Variants in KCNH3 observed in about 807,000 individuals in gnomAD.
KCNH3 encodes voltage-gated inwardly rectifying potassium channel KCNH3.
In KCNH3, 36 loss-of-function variants were observed where a neutral mutation model predicts 95.6. The observed-to-expected ratio is 0.38, with a 90% CI of 0.29 to 0.50. KCNH3 has a LOEUF of 0.50. KCNH3 is among the 20% of genes least tolerant of loss of function. The pLI, the probability that KCNH3 is intolerant of heterozygous loss-of-function variation, is 0.95. For synonymous variants in KCNH3, 620 were observed against 646.3 expected (o/e 0.96, Z 0.62); for missense variants, 1,030 against 1,484.1 (o/e 0.69, Z 5.03).
At chr12:49,544,145 T>TGCCAAA in intron 6 of KCNH3, 30 bp from the exon 7 acceptor site, 3 of 818,346 alleles carry the variant, frequency 3.7e-6, no homozygotes, top group South Asian at 1.3e-5. Context: ...CTGACCTCCC[T>TGCCAAA]CCCTCCCTCC....
Position 49,557,800 on chromosome 12 carries a change from G to C in KCNH3, c.3099G>C (p.Val1033=), listed in dbSNP as rs372734906. The change falls in exon 15 of 15, where the codon GTG becomes GTC. Residue 1033 remains valine (V), a synonymous_variant. Transcript: ENST00000257981. ...EGARTGPAEP[V]SQAEATSTGE... ...CTAGGACTGGGCCCGCAGAGCCTGT[G>C]AGCCAGGCTGAGGCTACCAGCACTG... The C allele has an allele frequency of 6.2e-7, 1 of 1,605,644 alleles. No homozygotes were observed. The highest frequency in any genetic ancestry group is 1.7e-5 in the Admixed American group (1 of 59,528).
At chr12:49,546,765 G>A (rs1938076547) in intron 7 of KCNH3, among the ~76,000 whole-genome samples, 2 of 152,176 alleles carry the variant, frequency 1.3e-5, no homozygotes, top group Admixed American at 1.3e-4. Flanking sequence ...AAAGATCAGA[G>A]GCCTCCCTGC....
At chr12:49,545,767 A>C (rs1938041809) in intron 7 of KCNH3, among the ~76,000 whole-genome samples, 1 of 152,048 alleles carries the variant, frequency 6.6e-6, no homozygotes, top group Non-Finnish European at 1.5e-5. Flanking sequence ...CGGTCTGATC[A>C]GTTTCCTGGG....
At chr12:49,548,095 C>CATGT (rs1491578844) in intron 7 of KCNH3, among the ~76,000 whole-genome samples, 15 of 146,722 alleles carry the variant, frequency 1.0e-4, no homozygotes, top group African/African-American at 3.7e-4. Context: ...CCTGTGACTA[C>CATGT]GTGTGTGTGT....
At chr12:49,551,570 G>C (rs145341510) in intron 10 of KCNH3, among the ~76,000 whole-genome samples, 1 of 108,796 alleles carries the variant, frequency 9.2e-6, no homozygotes, top group African/African-American at 3.9e-5. Flanking sequence ...GCGAGACTCT[G>C]TCTCAAAAAA....
chr12:49,541,587 G>A (rs1937872560), intron 2 of KCNH3, 43 bp from the exon 3 acceptor site: 2 of 1,609,048 alleles, frequency 1.2e-6, no homozygotes, highest in South Asian at 1.1e-5. Flanking sequence ...ACCTCAGGCA[G>A]TGCTGAGAAT....
Position 49,539,471 on chromosome 12 carries a change from G to A in KCNH3, c.55G>A (p.Ala19Thr), listed in dbSNP as rs1296068609. The A allele has an allele frequency of 1.3e-6, 2 of 1,587,226 alleles. No individual in the cohort carries two copies. The highest frequency in any genetic ancestry group is 8.6e-7 in the Non-Finnish European group (1 of 1,168,940). ...APQNTFLDTIATRFDGTHSNF... is the reference protein window; with the variant it reads ...APQNTFLDTITTRFDGTHSNF... Reference sequence around the variant, plus strand: ...GCAGAACACCTTCCTGGACACCATCGCTACGCGCTTCGACGGCACGCGTGA... The same window carrying A: ...GCAGAACACCTTCCTGGACACCATCACTACGCGCTTCGACGGCACGCGTGA... The change falls in exon 1 of 15, where the codon GCT becomes ACT. Residue 19 changes from alanine (A) to threonine (T), a missense_variant. Physicochemically the swap from Ala to Thr is moderately conservative, Grantham distance 58 (BLOSUM62 0). This residue lies in a region of KCNH3 where 26 missense variants were observed against 35.1 expected (regional missense o/e 0.74). Transcript: ENST00000257981. This position sits in a 1 kb window ranked among gnomAD's most constrained non-coding sequence, Gnocchi z 6.7.
At position 49,544,085 on chromosome 12, in the gene KCNH3, G is replaced by A; in HGVS notation, c.981+13G>A. On this transcript the variant is annotated intron_variant, in intron 6 of 14. Transcript: ENST00000257981. ...CAAGGTCAACGTGGTCAGTGTGGCTGGGCTGGCTGGGTGGGTGGGCTTGGC... is the reference window on the plus strand; with the variant it reads ...CAAGGTCAACGTGGTCAGTGTGGCTAGGCTGGCTGGGTGGGTGGGCTTGGC... 4 of 1,607,912 alleles carry A rather than the reference G, an allele frequency of 2.5e-6. 1 individual carries two copies. The highest frequency in any genetic ancestry group is 3.4e-6 in the Non-Finnish European group (4 of 1,175,062).
intron 1 of KCNH3, among the ~76,000 whole-genome samples, chr12:49,540,429 C>G (rs1435711101): frequency 6.6e-6 from 1 of 152,176 alleles, no homozygotes; most frequent in Non-Finnish European, 1.5e-5. Flanking sequence ...AAAACACAGA[C>G]AGCAGGATGT....
Position 49,557,531 on chromosome 12 carries a change from G to GCAT in KCNH3, c.2832_2834dup (p.Ser946dup). The GCAT allele has an allele frequency of 6.2e-7, 1 of 1,611,482 alleles. No individual in the cohort carries two copies. The highest frequency in any genetic ancestry group is 1.7e-5 in the Admixed American group (1 of 60,034). ...GCAGCCTCTGTGTGTGGACACTGGG[G>GCAT]CATCCTCCTACTGCCTGCAGCCCCC... is the stretch of plus-strand genomic sequence containing the variant. On this transcript the variant is annotated inframe_insertion, in exon 15 of 15. Coordinates refer to ENST00000257981, the MANE Select transcript of KCNH3 (RefSeq NM_012284.3).
In KCNH3 at chr12:49,539,514, T is replaced by C; in HGVS notation, c.76+22T>C. ...ACGCGTGAGTCCGACCCTCGCCCAC[T>C]TGCACCCGGGCCGCCGGACCCTCGC... On this transcript the variant is annotated intron_variant, in intron 1 of 14. Coordinates refer to ENST00000257981, the MANE Select transcript of KCNH3 (RefSeq NM_012284.3). The surrounding 1 kb of genome is among the most constrained non-coding windows in gnomAD (Gnocchi z 6.7). 6.3e-7 allele frequency: 1 copy of C among 1,582,492 alleles called. No individual in the cohort carries two copies. The highest frequency in any genetic ancestry group is 8.6e-7 in the Non-Finnish European group (1 of 1,165,920).
At position 49,558,019 on chromosome 12, in the gene KCNH3, T is replaced by C; in HGVS notation, c.*66T>C. The C allele has an allele frequency of 7.1e-7, 1 of 1,414,174 alleles. No homozygotes were observed. Among genetic ancestry groups the C allele is most frequent in the Non-Finnish European group, 9.3e-7 (1 of 1,079,264 alleles). The allele number at this position is 1,414,174 out of a possible 1,614,324, so 87.6% of individuals were successfully genotyped here. A position where few individuals can be genotyped will look rare whatever the true frequency, so the allele number is the denominator to read the frequency against. On this transcript the variant is annotated 3_prime_UTR_variant, in exon 15 of 15. Coordinates refer to ENST00000257981, the MANE Select transcript of KCNH3 (RefSeq NM_012284.3). ...TCTGCTGTTCGGCCCAACCTCAGAG[T>C]GAAGGCAGGGTGGCAGCCTCCCCAC...
At chr12:49,545,751 G>A (rs760257803) in intron 7 of KCNH3, among the ~76,000 whole-genome samples, 7 of 151,972 alleles carry the variant, frequency 4.6e-5, no homozygotes, top group Non-Finnish European at 7.4e-5. Context: ...ATCAGCCTTA[G>A]AAACCCGGTC....
Position 49,539,128 on chromosome 12 carries a change from G to T in KCNH3, c.-289G>T. ...ACCCGCAGCCGACACGCGAGCCGCT[G>T]CCGCGGCGGGAGGTGCTGAGAGCGC... is the stretch of plus-strand genomic sequence containing the variant. On this transcript the variant is annotated 5_prime_UTR_variant, in exon 1 of 15. Transcript: ENST00000257981. The surrounding 1 kb of genome is among the most constrained non-coding windows in gnomAD (Gnocchi z 6.7). The T allele has an allele frequency of 6.5e-6, 1 of 153,278 alleles. No homozygotes were observed. The highest frequency in any genetic ancestry group is 1.5e-5 in the Non-Finnish European group (1 of 68,944). 9.5% of individuals were successfully genotyped at this position (153,278 alleles called of 1,614,324 possible). A position where few individuals can be genotyped will look rare whatever the true frequency, so the allele number is the denominator to read the frequency against.
intron 4 of KCNH3, 85 bp from the exon 5 acceptor site, chr12:49,543,190 G>A (rs1937934024): frequency 7.0e-7 from 1 of 1,421,152 alleles, no homozygotes; most frequent in East Asian, 2.5e-5. Context: ...TAGAAAGGAG[G>A]TGGATGCGGG....
intron 7 of KCNH3, among the ~76,000 whole-genome samples, chr12:49,545,403 CTTTTTTTTTTTT>C (rs869243854): frequency 2.6e-5 from 3 of 117,504 alleles, no homozygotes; most frequent in African/African-American, 1.1e-4. Context: ...ATGCAGGTGG[CTTTTTTTTTTTT>C]TTTTTTTTGA....
In KCNH3 at chr12:49,543,436, T is replaced by C; in HGVS notation, c.741T>C (p.Cys247=). Residue 247 remains cysteine (C), a synonymous_variant, in exon 5 of 15, where the codon TGT becomes TGC. Transcript: ENST00000257981. ...YVAVTVPYSV[C]VSTAREPSAA... ...CTGTCACTGTGCCCTACAGCGTGTG[T>C]GTGAGCACAGCACGGGAGCCCAGTG... 14 of 1,607,190 alleles carry C rather than the reference T, an allele frequency of 8.7e-6. No individual in the cohort carries two copies. The highest frequency in any genetic ancestry group is 1.2e-5 in the Non-Finnish European group (14 of 1,179,978).
rs1446954544 is a variant in KCNH3, at chr12:49,549,654, G to A, written c.1668+14G>A. 1.9e-6 allele frequency: 3 copies of A among 1,602,414 alleles called. No homozygotes were observed. The highest frequency in any genetic ancestry group is 2.5e-6 in the Non-Finnish European group (3 of 1,178,214). ...GACACCACCGAGGTGCGGCCTCCGG[G>A]GCTGGGCCTGCTAGCCTTTGCTCCC... On this transcript the variant is annotated intron_variant, in intron 9 of 14. Transcript: ENST00000257981.
chr12:49,554,128 T>C (rs1938351623), intron 10 of KCNH3, among the ~76,000 whole-genome samples: 1 of 152,226 alleles, frequency 6.6e-6, no homozygotes, highest in Non-Finnish European at 1.5e-5. Flanking sequence ...CAGAGCTCTT[T>C]ACCCCAAGCC....
Sources: allele counts gnomAD v4.1 joint callset (sites outside exome capture counted in the v4.1 genomes callset), GRCh38; gene constraint gnomAD v4.1.1; regional missense constraint gnomAD v4.1.1; non-coding constraint Gnocchi (gnomAD v3.1); transcripts MANE v1.5; gene names NCBI Gene and HGNC (gene_info 2026-07-23, HGNC 2026-07-21).